TCF7: variants seen among roughly 807,000 people sequenced by gnomAD.
TCF7 encodes the protein T-cell-factor-7.
Under a neutral mutation model 46.8 loss-of-function variants are expected in TCF7, and 19 were observed. The ratio of observed to expected loss-of-function variants is 0.41; its 90% CI spans 0.28 to 0.60. The LOEUF is 0.60. Among genes scored for constraint, TCF7 ranks in the 20% least tolerant of loss-of-function variants. The probability of loss-of-function intolerance (pLI) is 0.35; values close to 1 mark genes in which losing one functional copy is unlikely to be tolerated. For missense variants in TCF7, 547 were observed against 504.6 expected, an observed-to-expected ratio of 1.08 and a Z score of -0.81; for synonymous variants, 245 against 213.4, an observed-to-expected ratio of 1.15 and a Z score of -1.29.
intron 3 of TCF7, among the ~76,000 whole-genome samples, chr5:134,133,918 G>C (rs1417100005): frequency 6.6e-6 from 1 of 152,224 alleles, no homozygotes; most frequent in African/African-American, 2.4e-5. Context: ...GCTGTAGACT[G>C]GGCTGGATTC....
intron 3 of TCF7, among the ~76,000 whole-genome samples, chr5:134,134,192 CTG>C (rs1384188658): frequency 1.3e-5 from 2 of 152,224 alleles, no homozygotes; most frequent in African/African-American, 2.4e-5. Flanking sequence ...AGCCCCAACT[CTG>C]GGCAGAGCAG....
At chr5:134,134,203 A>C (rs917196688) in intron 3 of TCF7, among the ~76,000 whole-genome samples, 8 of 152,240 alleles carry the variant, frequency 5.3e-5, no homozygotes, top group Non-Finnish European at 5.9e-5. Flanking sequence ...TGGGCAGAGC[A>C]GAGACTCTGG....
intron 8 of TCF7, 84 bp downstream of exon 8, chr5:134,143,184 G>C: frequency 7.1e-7 from 1 of 1,409,616 alleles, no homozygotes; most frequent in Non-Finnish European, 9.7e-7. Flanking sequence ...AGTAAGGAAC[G>C]CAGAACTACT....
chr5:134,116,125 A>C, intron 3 of TCF7, 92 bp downstream of exon 3: 2 of 1,484,530 alleles, frequency 1.3e-6, no homozygotes, highest in East Asian at 4.9e-5. Flanking sequence ...GCCTGGAACA[A>C]AATAGACGAG....
upstream of TCF7, among the ~76,000 whole-genome samples, chr5:134,111,248 A>T (rs1324529456): frequency 6.6e-6 from 1 of 152,170 alleles, no homozygotes; most frequent in Non-Finnish European, 1.5e-5. Flanking sequence ...AACAACCCTC[A>T]AGCCTTGGGA....
chr5:134,142,383 C>G, intron 6 of TCF7, 79 bp downstream of exon 6: 1 of 1,247,980 alleles, frequency 8.0e-7, no homozygotes, highest in African/African-American at 1.7e-5. Flanking sequence ...AGGACTGCCA[C>G]GAGGTCCCTG....
At chr5:134,145,346 C>T (rs998297954) in intron 9 of TCF7, 2 of 543,394 alleles carry the variant, frequency 3.7e-6, no homozygotes, top group Non-Finnish European at 7.2e-6. Context: ...GCCAGGTAGC[C>T]TTATGACTTG....
rs1386133203 is a variant in TCF7 at position 134,146,467 on chromosome 5, C to A, written c.*164C>A. 6.2e-6 allele frequency: 5 copies of A among 808,568 alleles called. No homozygotes were observed. Among genetic ancestry groups the A allele is most frequent in the Admixed American group, 2.0e-5 (1 of 50,872 alleles). The allele number at this position is 808,568 out of a possible 1,614,324, so 50.1% of individuals were successfully genotyped here. A position where few individuals can be genotyped will look rare whatever the true frequency, so the allele number is the denominator to read the frequency against. ...CAGGGCCCCCACAGGCCCCCCGCAG[C>A]ACCCTGCAGAGCACACAGGTACAGC... On this transcript the variant is annotated 3_prime_UTR_variant, in exon 10 of 10. Transcript: ENST00000342854.
chr5:134,115,459 G>A lies in TCF7; in HGVS notation c.316+72G>A, dbSNP rs1755669631. ...GGCCTCGGTGGGACGGGGACGCCAA[G>A]GACCGCGGGGAGCCGGGTGCCTCCC... On this transcript the variant is annotated intron_variant, in intron 2 of 9. Transcript: ENST00000342854. 4 of 1,530,012 alleles carry A rather than the reference G, an allele frequency of 2.6e-6. No individual in the cohort carries two copies. In the South Asian group the frequency reaches 3.6e-5, roughly 14 times the overall value. 94.8% of individuals were successfully genotyped at this position (1,530,012 alleles called of 1,614,324 possible).
rs1760923283 is a variant in TCF7 at position 134,148,111 on chromosome 5, T to C, written c.*1808T>C. ...TCTAGTGTAACACTGCAAGAAGTCT[T>C]GAGAAAAAGATTATTGTAGTGTTCA... On this transcript the variant is annotated 3_prime_UTR_variant, in exon 10 of 10. Transcript: ENST00000342854. 1 of 152,666 alleles carries C rather than the reference T, an allele frequency of 6.6e-6. No individual in the cohort carries two copies. The highest frequency in any genetic ancestry group is 6.5e-5 in the Admixed American group (1 of 15,288). The allele number at this position is 152,666 out of a possible 1,614,324, so 9.5% of individuals were successfully genotyped here. A position where few individuals can be genotyped will look rare whatever the true frequency, so the allele number is the denominator to read the frequency against.
intron 3 of TCF7, among the ~76,000 whole-genome samples, chr5:134,132,616 G>C (rs1385893438): frequency 1.3e-5 from 2 of 152,344 alleles, no homozygotes; most frequent in South Asian, 2.1e-4. Context: ...AGAGGCGAGG[G>C]AGTTTCTCTG....
chr5:134,121,666 C>G (rs1417597567), intron 3 of TCF7, among the ~76,000 whole-genome samples: 1 of 152,072 alleles, frequency 6.6e-6, no homozygotes, highest in Admixed American at 6.5e-5. Context: ...GCCCCTCATT[C>G]TTGCCACGAT....
In TCF7 at chr5:134,120,240, G is replaced by A. The variant is rs142091019; in HGVS notation, c.441+4207G>A. On this transcript the variant is annotated intron_variant, in intron 3 of 9. Transcript: ENST00000342854. ...GTCAGCACCCAAAGCCCCAGTCATC[G>A]CCATCTCTCACCCAGACAGCAGCAA... Among the ~76,000 whole-genome samples, 89 of 152,220 alleles carry A rather than the reference G, an allele frequency of 5.8e-4. 1 individual carries two copies. The highest frequency in any genetic ancestry group is 2.1e-3 in the African/African-American group (86 of 41,536).
At position 134,146,111 on chromosome 5, in the gene TCF7, G is replaced by A. The variant is rs1223372878; in HGVS notation, c.1076-113G>A. On this transcript the variant is annotated intron_variant, in intron 9 of 9. Coordinates refer to ENST00000342854, the MANE Select transcript of TCF7 (RefSeq NM_003202.5). ...ACACTGACTTACCACCCAAGTCCCA[G>A]GAAGAGAGGACAAGGAATCAGCCAG... 7 of 1,607,142 alleles carry A rather than the reference G, an allele frequency of 4.4e-6. No homozygotes were observed. In the African/African-American group the frequency reaches 8.1e-5, roughly 19 times the overall value.
At chr5:134,117,560 C>T (rs916328433) in intron 3 of TCF7, among the ~76,000 whole-genome samples, 4 of 152,170 alleles carry the variant, frequency 2.6e-5, no homozygotes, top group African/African-American at 7.2e-5. Context: ...GGCTTCCTTT[C>T]GGAGGTCATC....
At chr5:134,137,210 G>C (rs574849688) in intron 3 of TCF7, among the ~76,000 whole-genome samples, 1 of 152,294 alleles carries the variant, frequency 6.6e-6, no homozygotes, top group African/African-American at 2.4e-5. Flanking sequence ...GATCACTTGA[G>C]GTCAGGAGTT....
At chr5:134,123,733 C>T (rs766217901) in intron 3 of TCF7, 60 of 456,268 alleles carry the variant, frequency 1.3e-4, no homozygotes, top group Non-Finnish European at 2.2e-4. Flanking sequence ...AGCTGATGGG[C>T]GCATGCAGCA....
At chr5:134,137,824 T>C (rs994936443) in intron 3 of TCF7, 3 of 391,078 alleles carry the variant, frequency 7.7e-6, no homozygotes, top group South Asian at 1.8e-4. Flanking sequence ...CCTCCAGGAA[T>C]TGAGTGCCCA....
chr5:134,127,010 C>T (rs1757442076), intron 3 of TCF7, among the ~76,000 whole-genome samples: 1 of 152,190 alleles, frequency 6.6e-6, no homozygotes, highest in South Asian at 2.1e-4. Flanking sequence ...TGATACCTGG[C>T]AGAGTCAGGA....
Sources: gnomAD v4.1 joint callset for allele counts (sites outside exome capture counted in the v4.1 genomes callset) on GRCh38, gnomAD v4.1.1 for gene constraint, MANE v1.5 for transcripts, NCBI Gene and HGNC (gene_info 2026-07-23, HGNC 2026-07-21) for gene names.